Variants in NEK4 observed in about 807,000 individuals in gnomAD.
NEK4 encodes the protein serine/threonine-protein kinase Nek4.
Under a neutral mutation model 98.4 loss-of-function variants are expected in NEK4, and 86 were observed. That is an observed-to-expected ratio of 0.87 (90% confidence interval 0.73 to 1.05). The LOEUF (loss-of-function observed/expected upper bound fraction) is 1.05, where lower values mean the gene tolerates loss of function less well. Ranked by LOEUF, NEK4 falls within the 50% of genes least tolerant of loss-of-function variation. The probability of loss-of-function intolerance (pLI) is 0.00; values close to 1 mark genes in which losing one functional copy is unlikely to be tolerated. For missense variants in NEK4, 898 were observed against 950.3 expected (o/e 0.94, Z 0.72); for synonymous variants, 328 against 342.2 (o/e 0.96, Z 0.46).
chr3:52,758,839 T>C (rs1179169127), intron 6 of NEK4, among the ~76,000 whole-genome samples: 1 of 152,042 alleles, frequency 6.6e-6, no homozygotes, highest in East Asian at 1.9e-4. Context: ...ATGTGGCTCA[T>C]ACCTGTAATA....
chr3:52,759,649 C>T (rs1188973190), intron 6 of NEK4, among the ~76,000 whole-genome samples: 1 of 152,050 alleles, frequency 6.6e-6, no homozygotes, highest in African/African-American at 2.4e-5. Context: ...AATGGTGCAG[C>T]CACTGTAGAA....
intron 15 of NEK4, among the ~76,000 whole-genome samples, chr3:52,726,094 A>T (rs956391652): frequency 6.6e-5 from 10 of 152,216 alleles, no homozygotes; most frequent in Non-Finnish European, 1.2e-4. Context: ...AATGTCTTTA[A>T]ATTAAAAAAA....
At chr3:52,732,580 C>G (rs928482727) in intron 15 of NEK4, 1 of 286,824 alleles carries the variant, frequency 3.5e-6, no homozygotes, top group South Asian at 4.8e-5. Flanking sequence ...AGGAAAGACT[C>G]TTACTCAGCG....
At chr3:52,732,668 TA>T (rs1365895751) in intron 15 of NEK4, 1 of 319,816 alleles carries the variant, frequency 3.1e-6, no homozygotes, top group African/African-American at 2.3e-5. Context: ...CAGAGGGCTT[TA>T]TACAGGGAAG....
chr3:52,744,683 C>CAAAAAA (rs567707729), intron 10 of NEK4, among the ~76,000 whole-genome samples: 1 of 81,162 alleles, frequency 1.2e-5, no homozygotes, highest in Non-Finnish European at 2.3e-5. Flanking sequence ...GACTCCATCT[C>CAAAAAA]AAAAAAAAAA....
At chr3:52,713,310 C>A (rs1305900687) in intron 15 of NEK4, among the ~76,000 whole-genome samples, 1 of 152,164 alleles carries the variant, frequency 6.6e-6, no homozygotes, top group Non-Finnish European at 1.5e-5. Context: ...TGGAAAAATC[C>A]AAACCAAGGG....
At chr3:52,768,310 G>A (rs1240917319) in intron 2 of NEK4, 28 bp downstream of exon 2, 1 of 1,589,648 alleles carries the variant, frequency 6.3e-7, no homozygotes, top group Non-Finnish European at 8.6e-7. Context: ...CTGGGAACAA[G>A]CTAGGATGCT....
intron 15 of NEK4, among the ~76,000 whole-genome samples, chr3:52,721,403 C>A (rs1244595684): frequency 6.6e-6 from 1 of 151,892 alleles, no homozygotes; most frequent in African/African-American, 2.4e-5. Context: ...TTCTTTTCCC[C>A]CTTTTGGGGG....
intron 15 of NEK4, among the ~76,000 whole-genome samples, chr3:52,719,650 G>A (rs927696561): frequency 4.0e-5 from 6 of 149,210 alleles, no homozygotes; most frequent in African/African-American, 1.5e-4. Flanking sequence ...AGAACAAAAA[G>A]GAAACCATAA....
chr3:52,722,371 G>A (rs904350632), intron 15 of NEK4, among the ~76,000 whole-genome samples: 4 of 152,190 alleles, frequency 2.6e-5, no homozygotes, highest in Non-Finnish European at 4.4e-5. Flanking sequence ...ATGGCTGAGC[G>A]AGGCCTGGGT....
In NEK4 at chr3:52,768,525, G is replaced by A; in HGVS notation, c.173C>T (p.Ser58Phe). Residue 58 changes from serine (S) to phenylalanine (F), a missense_variant, in exon 2 of 16, where the codon TCT becomes TTT. Transcript: ENST00000233027. ...GACAATGTTGGGATGCTTCAACTGA[G>A]ACAAGAGCTGGGCTTCCTGTTCAGC... ...RAAEQEAQLL[S>F]QLKHPNIVTY... The A allele has an allele frequency of 6.2e-7, 1 of 1,614,218 alleles. No homozygotes were observed. The highest frequency in any genetic ancestry group is 8.5e-7 in the Non-Finnish European group (1 of 1,180,020).
chr3:52,753,527 T>A, intron 6 of NEK4: 1 of 489,712 alleles, frequency 2.0e-6, no homozygotes, highest in Admixed American at 2.2e-5. Context: ...GTACACATTA[T>A]GTACTCTTTC....
intron 15 of NEK4, among the ~76,000 whole-genome samples, chr3:52,715,389 TTC>T (rs1420660082): frequency 6.6e-6 from 1 of 152,096 alleles, no homozygotes; most frequent in Non-Finnish European, 1.5e-5. Context: ...CTCTGAGCTG[TTC>T]TCTCTCTTTT....
intron 15 of NEK4, among the ~76,000 whole-genome samples, chr3:52,734,200 A>C (rs2097372701): frequency 6.6e-6 from 1 of 152,052 alleles, no homozygotes; most frequent in South Asian, 2.1e-4. Flanking sequence ...TAATCCCAGC[A>C]TTTTGGGAGG....
intron 2 of NEK4, among the ~76,000 whole-genome samples, chr3:52,766,775 A>G (rs1239992595): frequency 6.6e-6 from 1 of 151,076 alleles, no homozygotes; most frequent in Non-Finnish European, 1.5e-5. Context: ...TCATGAGGTC[A>G]GGAGATCGAG....
chr3:52,739,255 C>A (rs745602613), intron 14 of NEK4, among the ~76,000 whole-genome samples, 174 bp downstream of exon 14: 2 of 152,070 alleles, frequency 1.3e-5, no homozygotes, highest in Non-Finnish European at 2.9e-5. Flanking sequence ...AAAAATTACC[C>A]GGGCATGGTG....
intron 1 of NEK4, 35 bp downstream of exon 1, chr3:52,770,619 G>GCCCGGCCCC: frequency 1.0e-6 from 1 of 954,764 alleles, no homozygotes; most frequent in Non-Finnish European, 1.6e-6. Context: ...ACTTCTGCCC[G>GCCCGGCCCC]CCCCCGCCCC....
intron 15 of NEK4, among the ~76,000 whole-genome samples, chr3:52,735,281 A>C (rs1277358235): frequency 6.6e-6 from 1 of 152,260 alleles, no homozygotes; most frequent in African/African-American, 2.4e-5. Context: ...CTTTTAAAAC[A>C]TTTGTTAGAG....
At position 52,752,933 on chromosome 3, in the gene NEK4, T is replaced by TACACACACACACACAC. The variant is rs71087017; in HGVS notation, c.964-613_964-598dup. 2.5e-3 allele frequency among the ~76,000 whole-genome samples: 188 copies of TACACACACACACACAC among 75,446 alleles called. 1 individual carries two copies. The highest frequency in any genetic ancestry group is 9.2e-3 in the African/African-American group (169 of 18,306). The allele number at this position is 75,446 out of a possible 152,430, so 49.5% of individuals were successfully genotyped here. On this transcript the variant is annotated intron_variant, in intron 6 of 15. Coordinates refer to ENST00000233027, the MANE Select transcript of NEK4 (RefSeq NM_003157.6). ...AAAAAAAAAAATATATATATATATA[T>TACACACACACACACAC]ACACACACACACACACACACAATGG...
Sources: allele counts gnomAD v4.1 joint callset (sites outside exome capture counted in the v4.1 genomes callset), GRCh38; gene constraint gnomAD v4.1.1; transcripts MANE v1.5; gene names NCBI Gene and HGNC (gene_info 2026-07-23, HGNC 2026-07-21).